Variants in CASP10 observed in about 807,000 individuals in gnomAD.
CASP10 encodes caspase-10.
In CASP10, 41 loss-of-function variants were observed where a neutral mutation model predicts 48.5. The ratio of observed to expected loss-of-function variants is 0.85; its 90% CI spans 0.66 to 1.10. The LOEUF is 1.10. CASP10 is among the 50% of genes least tolerant of loss of function. CASP10 has a pLI of 0.00. For synonymous variants in CASP10, 232 were observed against 238.4 expected, an observed-to-expected ratio of 0.97 and a Z score of 0.25; for missense variants, 614 against 614.5, an observed-to-expected ratio of 1.00 and a Z score of 0.01.
chr2:201,209,583 TC>T (rs772111259), intron 9 of CASP10, 21 bp downstream of exon 9: 1 of 1,593,400 alleles, frequency 6.3e-7, no homozygotes, highest in South Asian at 1.2e-5. Context: ...TTTTTTTTCT[TC>T]CATTTGTAAT....
At chr2:201,225,708 G>A (rs79731210), downstream of CASP10, among the ~76,000 whole-genome samples, 6 of 152,238 alleles carry the variant, frequency 3.9e-5, no homozygotes, top group East Asian at 1.9e-4. Context: ...GTGGTGGCTC[G>A]CGCCTGTAAT....
rs764280980 is a variant in CASP10, at chr2:201,185,744, C to G, written c.-7-27C>G. On this transcript the variant is annotated intron_variant, in intron 1 of 9. Transcript: ENST00000286186. The stretch of plus-strand genomic sequence containing the variant: ...GCCATATGTCCTCACTCTCTAACTC[C>G]CTGCCCCACCTCTCTGTCCCTTTCA... 1.1e-5 allele frequency: 16 copies of G among 1,488,150 alleles called. No individual in the cohort carries two copies. The East Asian group carries it at 3.6e-4, about 34-fold the overall frequency. 92.2% of individuals were successfully genotyped at this position (1,488,150 alleles called of 1,614,324 possible). A position where few individuals can be genotyped will look rare whatever the true frequency, so the allele number is the denominator to read the frequency against.
At chr2:201,200,725 C>A in intron 5 of CASP10, 3 of 1,252,016 alleles carry the variant, frequency 2.4e-6, no homozygotes, top group Non-Finnish European at 2.0e-6. Flanking sequence ...AATGGTAACA[C>A]CTCCGCCTGC....
intron 5 of CASP10, among the ~76,000 whole-genome samples, chr2:201,198,539 C>CTTTTTTTTTTTTTTTTTT (rs34234167): frequency 1.1e-5 from 1 of 87,980 alleles, no homozygotes; most frequent in Non-Finnish European, 2.1e-5. Flanking sequence ...TTTTTTAATT[C>CTTTTTTTTTTTTTTTTTT]TTTTTTTTTT....
rs1944772973 is a variant in CASP10, at chr2:201,195,844, A to G, written c.580A>G (p.Ile194Val). Residue 194 changes from isoleucine (I) to valine (V), a missense_variant and splice_region_variant, in exon 5 of 10, where the codon ATC (isoleucine) becomes GTC (valine). Physicochemically the swap from Ile to Val is conservative, Grantham distance 29. Transcript: ENST00000286186. ...NIEKYKREKA[I>V]QIVTPPVDKE... The stretch of plus-strand genomic sequence containing the variant: ...TCTGTCTGTGATTTTATTTTCAGCT[A>G]TCCAGATAGTGACACCTCCTGTAGA... 1 of 1,608,288 alleles carries G rather than the reference A, an allele frequency of 6.2e-7. No homozygotes were observed. The highest frequency in any genetic ancestry group is 1.3e-5 in the African/African-American group (1 of 74,876).
In CASP10 at chr2:201,208,123, A is replaced by G; in HGVS notation, c.862A>G (p.Ile288Val). The G allele has an allele frequency of 6.2e-7, 1 of 1,614,106 alleles. No individual in the cohort carries two copies. Among genetic ancestry groups the G allele is most frequent in the Non-Finnish European group, 8.5e-7 (1 of 1,179,980 alleles). Residue 288 changes from isoleucine to valine, a missense_variant, in exon 8 of 10, where the codon ATT (isoleucine) becomes GTT (valine). Coordinates refer to ENST00000286186, the MANE Select transcript of CASP10 (RefSeq NM_032977.4). ...MNRNHRGLCV[I>V]VNNHSFTSLK... is the part of the protein sequence containing the mutation. ...TCGGAACCACAGAGGCCTCTGTGTC[A>G]TTGTCAACAACCACAGCTTTACCTC... is the stretch of plus-strand genomic sequence containing the variant.
At chr2:201,191,816 A>T (rs1451570419) in intron 3 of CASP10, among the ~76,000 whole-genome samples, 1 of 152,178 alleles carries the variant, frequency 6.6e-6, no homozygotes, top group African/African-American at 2.4e-5. Context: ...ACTGTCAGGA[A>T]ATCCGTTCTC....
intron 4 of CASP10, among the ~76,000 whole-genome samples, chr2:201,194,575 G>C (rs1944722998): frequency 6.6e-6 from 1 of 152,112 alleles, no homozygotes; most frequent in Admixed American, 6.6e-5. Context: ...GGTTGATATG[G>C]AAAGAATATT....
chr2:201,208,464 C>A, intron 8 of CASP10: 1 of 620,548 alleles, frequency 1.6e-6, no homozygotes, highest in Non-Finnish European at 2.0e-6. Flanking sequence ...CCACCACTAA[C>A]TAGGTGTGTG....
rs569677351 is a variant in CASP10 at position 201,218,990 on chromosome 2, C to T, written c.*1249C>T. On this transcript the variant is annotated 3_prime_UTR_variant, in exon 10 of 10. Transcript: ENST00000286186. ...ACCTGATGTCATATTCCATTTTGGACTGGGTGCGGTGACTCATGCCTGTAA... is the reference window on the plus strand; with the variant it reads ...ACCTGATGTCATATTCCATTTTGGATTGGGTGCGGTGACTCATGCCTGTAA... 1.0e-6 allele frequency: 1 copy of T among 985,254 alleles called. No individual in the cohort carries two copies. The highest frequency in any genetic ancestry group is 1.7e-5 in the African/African-American group (1 of 57,226). 61.0% of individuals were successfully genotyped at this position (985,254 alleles called of 1,614,324 possible). A position where few individuals can be genotyped will look rare whatever the true frequency, so the allele number is the denominator to read the frequency against.
At chr2:201,211,029 T>C (rs2881930) in intron 9 of CASP10, among the ~76,000 whole-genome samples, 63,723 of 152,036 alleles carry the variant, frequency 0.42, 13,809 homozygotes, top group Non-Finnish European at 0.49. Flanking sequence ...TGTTGTATAA[T>C]GATCAAATCA....
At chr2:201,202,251 C>T (rs942188794) in intron 5 of CASP10, among the ~76,000 whole-genome samples, 1 of 152,152 alleles carries the variant, frequency 6.6e-6, no homozygotes, top group African/African-American at 2.4e-5. Flanking sequence ...CCTTATTGGA[C>T]CCCTCTTGAA....
chr2:201,189,711 A>G (rs919316838), intron 3 of CASP10, among the ~76,000 whole-genome samples: 1 of 152,046 alleles, frequency 6.6e-6, no homozygotes, highest in Non-Finnish European at 1.5e-5. Context: ...TGAAGTTCAA[A>G]CTGAGGCTGG....
chr2:201,186,401 C>G (rs542535374), intron 2 of CASP10: 2 of 437,240 alleles, frequency 4.6e-6, no homozygotes. Context: ...TGGCAGAGCC[C>G]GTGTTTTCCC....
chr2:201,209,964 T>TCCCAAC (rs1345294542), intron 9 of CASP10, among the ~76,000 whole-genome samples: 2 of 152,204 alleles, frequency 1.3e-5, no homozygotes, highest in Non-Finnish European at 2.9e-5. Flanking sequence ...TTGTGAAGTA[T>TCCCAAC]AGGTGTTATG....
At chr2:201,228,881 T>C in intron 9 of CASP10, 1 of 1,581,694 alleles carries the variant, frequency 6.3e-7, no homozygotes, top group African/African-American at 1.3e-5. Flanking sequence ...TCCTTGTGTG[T>C]GAAAAACCAC....
rs1457136729 is a variant in CASP10 at position 201,199,735 on chromosome 2, C to T, written c.684+3787C>T. 2.6e-5 allele frequency among the ~76,000 whole-genome samples: 4 copies of T among 151,838 alleles called. No individual in the cohort carries two copies. In the Middle Eastern group the frequency reaches 0.01, roughly 387 times the overall value. ...GATTACAGGCATGCACCACCACATT[C>T]GGCTAATTTTTGTATTTTTAGTAGA... is the stretch of plus-strand genomic sequence containing the variant. On this transcript the variant is annotated intron_variant, in intron 5 of 9. Transcript: ENST00000286186.
Position 201,208,148 on chromosome 2 carries a change from C to G in CASP10, c.887C>G (p.Ser296Cys). Residue 296 changes from serine to cysteine, a missense_variant, in exon 8 of 10, where the codon TCC (serine) becomes TGC (cysteine). Coordinates refer to ENST00000286186, the MANE Select transcript of CASP10 (RefSeq NM_032977.4). ...ATTGTCAACAACCACAGCTTTACCT[C>G]CCTGAAGGACAGACAAGGAACCCAT... ...CVIVNNHSFT[S>C]LKDRQGTHKD... 6.2e-7 allele frequency: 1 copy of G among 1,614,026 alleles called. No homozygotes were observed. The highest frequency in any genetic ancestry group is 1.1e-5 in the South Asian group (1 of 91,072).
chr2:201,218,100 G>A lies in CASP10; in HGVS notation c.*359G>A. The A allele has an allele frequency of 2.7e-6, 2 of 753,678 alleles. No homozygotes were observed. Among genetic ancestry groups the A allele is most frequent in the Non-Finnish European group, 3.5e-6 (2 of 567,158 alleles). The allele number at this position is 753,678 out of a possible 1,614,324, so 46.7% of individuals were successfully genotyped here. A position where few individuals can be genotyped will look rare whatever the true frequency, so the allele number is the denominator to read the frequency against. ...GGATTTTTTTTATTCTTTATTTTTT[G>A]TAGAGATGGAGGGATCTCACTTTGT... On this transcript the variant is annotated 3_prime_UTR_variant, in exon 10 of 10. Coordinates refer to ENST00000286186, the MANE Select transcript of CASP10 (RefSeq NM_032977.4).
Sources: gnomAD v4.1 joint callset for allele counts (sites outside exome capture counted in the v4.1 genomes callset) on GRCh38, gnomAD v4.1.1 for gene constraint, MANE v1.5 for transcripts, NCBI Gene and HGNC (gene_info 2026-07-23, HGNC 2026-07-21) for gene names.